Variants in FRMD4B observed in about 807,000 individuals in gnomAD.
FRMD4B encodes the protein FERM domain containing 4B, also known as FERM domain-containing protein 4B.
FRMD4B carries 74 observed loss-of-function variants against 141.5 expected under a neutral mutation model. The ratio of observed to expected loss-of-function variants is 0.52; its 90% confidence interval spans 0.43 to 0.63. The LOEUF (loss-of-function observed/expected upper bound fraction) is 0.63, where lower values mean the gene tolerates loss of function less well. FRMD4B is among the 30% of genes least tolerant of loss of function. The pLI is 0.00. For missense variants in FRMD4B, 1,366 were observed against 1,253.4 expected (o/e 1.09, Z -1.36); for synonymous variants, 506 against 467.9 (o/e 1.08, Z -1.05).
chr3:69,488,100 A>G (rs1282699545), intron 1 of FRMD4B, among the ~76,000 whole-genome samples: 1 of 152,108 alleles, frequency 6.6e-6, no homozygotes, highest in Non-Finnish European at 1.5e-5. Flanking sequence ...AAAAAGAAAA[A>G]AGGAAGAAAA....
intron 2 of FRMD4B, among the ~76,000 whole-genome samples, chr3:69,403,950 AG>A (rs1704610432): frequency 6.6e-6 from 1 of 152,142 alleles, no homozygotes; most frequent in South Asian, 2.1e-4. Context: ...CGGGCTCTGG[AG>A]TGCAGTGGCA....
intron 1 of FRMD4B, among the ~76,000 whole-genome samples, chr3:69,504,523 T>A (rs2107076378): frequency 6.6e-6 from 1 of 152,298 alleles, no homozygotes; most frequent in Non-Finnish European, 1.5e-5. Context: ...GATGTTTCTG[T>A]AGATTTGCCT....
intron 1 of FRMD4B, among the ~76,000 whole-genome samples, chr3:69,383,548 T>C (rs10865650): frequency 0.67 from 101,437 of 152,004 alleles, 34,003 homozygotes; most frequent in East Asian, 0.7. Context: ...GGATAGCCAA[T>C]GCTTTAAATA....
intron 1 of FRMD4B, among the ~76,000 whole-genome samples, chr3:69,317,759 A>AG (rs1398378874): frequency 2.7e-5 from 4 of 149,524 alleles, no homozygotes; most frequent in Admixed American, 6.7e-5. Flanking sequence ...CAACTCAAAA[A>AG]AAAAAAAAAA....
chr3:69,486,712 C>T (rs890491371), intron 1 of FRMD4B, among the ~76,000 whole-genome samples: 1 of 152,156 alleles, frequency 6.6e-6, no homozygotes, highest in African/African-American at 2.4e-5. Context: ...AGCCCCAAAG[C>T]AAGAAGGCTC....
At chr3:69,293,880 CAAAAAAAAAAAAA>C (rs10699871) in intron 4 of FRMD4B, among the ~76,000 whole-genome samples, 1 of 74,436 alleles carries the variant, frequency 1.3e-5, no homozygotes, top group Non-Finnish European at 2.3e-5. Context: ...GATTCTGCCT[CAAAAAAAAAAAAA>C]AAAAAAAAAA....
intron 1 of FRMD4B, among the ~76,000 whole-genome samples, chr3:69,434,269 G>C (rs897576183): frequency 5.3e-5 from 8 of 152,186 alleles, no homozygotes; most frequent in African/African-American, 1.4e-4. Context: ...GCCTTCAATA[G>C]CTACTATTTG....
At chr3:69,271,163 T>C (rs978016) in intron 5 of FRMD4B, among the ~76,000 whole-genome samples, 27,195 of 152,238 alleles carry the variant, frequency 0.18, 2,875 homozygotes, top group East Asian at 0.35. Context: ...TGTTTTAGGA[T>C]AATTCATATT....
intron 5 of FRMD4B, among the ~76,000 whole-genome samples, chr3:69,272,483 T>C (rs1185692096): frequency 1.3e-5 from 2 of 152,210 alleles, no homozygotes; most frequent in East Asian, 3.9e-4. Context: ...TAATACAGAA[T>C]TTACAGCTTA....
chr3:69,381,439 C>T (rs937630391), intron 1 of FRMD4B, among the ~76,000 whole-genome samples: 2 of 152,196 alleles, frequency 1.3e-5, no homozygotes, highest in Admixed American at 6.5e-5. Flanking sequence ...CCTTCCCACC[C>T]TATTTCTCTC....
At chr3:69,435,522 T>C (rs1705246471) in intron 1 of FRMD4B, among the ~76,000 whole-genome samples, 1 of 152,228 alleles carries the variant, frequency 6.6e-6, no homozygotes, top group Non-Finnish European at 1.5e-5. Flanking sequence ...TATGTATTGA[T>C]TGTCTATGGC....
intron 1 of FRMD4B, among the ~76,000 whole-genome samples, chr3:69,381,695 T>A (rs1260054854): frequency 6.6e-6 from 1 of 152,242 alleles, no homozygotes; most frequent in African/African-American, 2.4e-5. Context: ...GCCCCTTAAC[T>A]CAAATTCCTG....
chr3:69,188,763 C>CAAA (rs11328404), intron 18 of FRMD4B, among the ~76,000 whole-genome samples: 3 of 66,840 alleles, frequency 4.5e-5, no homozygotes, highest in African/African-American at 1.7e-4. Flanking sequence ...GACTCCGTCT[C>CAAA]AAAAAAAAAA....
At chr3:69,481,889 C>T (rs138121526) in intron 1 of FRMD4B, among the ~76,000 whole-genome samples, 5 of 152,048 alleles carry the variant, frequency 3.3e-5, no homozygotes, top group East Asian at 3.8e-4. Flanking sequence ...CAGCAACCAG[C>T]GAAATAAGGT....
At chr3:69,404,002 C>T (rs954106955) in intron 2 of FRMD4B, among the ~76,000 whole-genome samples, 2 of 152,176 alleles carry the variant, frequency 1.3e-5, no homozygotes, top group African/African-American at 4.8e-5. Context: ...CTCAAGCAAT[C>T]TTCCTGCCTC....
At chr3:69,254,344 G>A (rs2093480063) in intron 5 of FRMD4B, among the ~76,000 whole-genome samples, 1 of 151,948 alleles carries the variant, frequency 6.6e-6, no homozygotes, top group South Asian at 2.1e-4. Flanking sequence ...CCTGACCTCA[G>A]GTGATCCATC....
Position 69,410,722 on chromosome 3 carries a change from AATAAATATATATATATATATATAT to A in FRMD4B, c.-1+21888_-1+21911del, listed in dbSNP as rs1373894072. ...AAAGAAATATATAAATAAATAAATA[AATAAATATATATATATATATATAT>A]ATATATATATATATATATATATATA... On this transcript the variant is annotated intron_variant, in intron 2 of 5. Transcript: ENST00000459638. 1.5e-4 allele frequency among the ~76,000 whole-genome samples: 9 copies of A among 58,542 alleles called. No individual in the cohort carries two copies. The East Asian group carries it at 1.7e-3, about 11-fold the overall frequency. The allele number at this position is 58,542 out of a possible 152,430, so 38.4% of individuals were successfully genotyped here. A position where few individuals can be genotyped will look rare whatever the true frequency, so the allele number is the denominator to read the frequency against.
chr3:69,425,034 A>C (rs1302716318), intron 2 of FRMD4B, among the ~76,000 whole-genome samples: 2 of 152,200 alleles, frequency 1.3e-5, no homozygotes, highest in Admixed American at 6.5e-5. Context: ...GCAGCCAGAC[A>C]GTGACTTAGG....
intron 7 of FRMD4B, among the ~76,000 whole-genome samples, chr3:69,237,830 A>T (rs1217786837): frequency 6.6e-6 from 1 of 152,196 alleles, no homozygotes; most frequent in African/African-American, 2.4e-5. Flanking sequence ...TCCTGGGTTC[A>T]AGTGATTCTC....
Sources: allele counts gnomAD v4.1 joint callset (sites outside exome capture counted in the v4.1 genomes callset), GRCh38; gene constraint gnomAD v4.1.1; transcripts MANE v1.5; gene names NCBI Gene and HGNC (gene_info 2026-07-23, HGNC 2026-07-21).